The following PCNX2 variants were observed in gnomAD, a reference collection of about 807,000 sequenced individuals.
PCNX2 encodes pecanex-like protein 2.
PCNX2 carries 168 observed loss-of-function variants against 223.8 expected under a neutral mutation model. That is an observed-to-expected ratio of 0.75 (90% confidence interval 0.66 to 0.85). The LOEUF is 0.85. Ranked by LOEUF, PCNX2 falls within the 40% of genes least tolerant of loss-of-function variation. The pLI is 0.00. For synonymous variants in PCNX2, 1,006 were observed against 1,052.6 expected, an observed-to-expected ratio of 0.96 and a Z score of 0.86; for missense variants, 2,507 against 2,675.5, an observed-to-expected ratio of 0.94 and a Z score of 1.39.
At chr1:233,095,920 C>A (rs1674137097) in intron 21 of PCNX2, 57 bp from the exon 22 acceptor site, 4 of 1,270,024 alleles carry the variant, frequency 3.1e-6, no homozygotes, top group Non-Finnish European at 4.5e-6. Context: ...GTGGTAACTG[C>A]ATCAAGGTCA....
chr1:233,203,048 G>C (rs1383005480), intron 13 of PCNX2, among the ~76,000 whole-genome samples: 1 of 152,122 alleles, frequency 6.6e-6, no homozygotes, highest in Non-Finnish European at 1.5e-5. Context: ...GGCTACAAAA[G>C]AGAATAAAAT....
At chr1:233,016,887 A>G (rs1301784229) in intron 27 of PCNX2, 34 bp downstream of exon 27, 10 of 1,583,632 alleles carry the variant, frequency 6.3e-6, no homozygotes, top group Non-Finnish European at 8.7e-6. Context: ...TTAAACTTAC[A>G]TTCCATGCCT....
intron 28 of PCNX2, among the ~76,000 whole-genome samples, chr1:233,014,216 T>C (rs971154736): frequency 2.6e-5 from 4 of 152,132 alleles, no homozygotes; most frequent in African/African-American, 9.7e-5. Context: ...GGGCATCCAA[T>C]TCATCAAAGC....
Position 233,139,660 on chromosome 1 carries a change from C to G in PCNX2, c.3659+54G>C. On this transcript the variant is annotated intron_variant, in intron 20 of 33. Transcript: ENST00000258229. This position sits in a 1 kb window ranked among gnomAD's most constrained non-coding sequence, Gnocchi z 4.4. ...GCAGATTGTTTACAGAAAATTCACT[C>G]GATTTTGAAAATGTGACCCAAATCA... 1 of 1,521,644 alleles carries G rather than the reference C, an allele frequency of 6.6e-7. No individual in the cohort carries two copies. Among genetic ancestry groups the G allele is most frequent in the East Asian group, 2.4e-5 (1 of 41,330 alleles). The allele number at this position is 1,521,644 out of a possible 1,614,324, so 94.3% of individuals were successfully genotyped here. A position where few individuals can be genotyped will look rare whatever the true frequency, so the allele number is the denominator to read the frequency against.
At chr1:233,120,105 T>G (rs1675683875) in intron 21 of PCNX2, among the ~76,000 whole-genome samples, 1 of 132,010 alleles carries the variant, frequency 7.6e-6, no homozygotes, top group Admixed American at 8.9e-5. Flanking sequence ...AGGCAGAGGT[T>G]GCAGTGAGCC....
intron 23 of PCNX2, chr1:233,065,355 C>T (rs1178415352): frequency 6.6e-6 from 1 of 152,192 alleles, no homozygotes; most frequent in South Asian, 2.1e-4. Context: ...ATACCCTATA[C>T]AGAATACTGG....
chr1:233,096,340 A>T (rs1674163584), intron 21 of PCNX2, among the ~76,000 whole-genome samples: 1 of 152,250 alleles, frequency 6.6e-6, no homozygotes, highest in Non-Finnish European at 1.5e-5. Context: ...AAGACAGGAT[A>T]TGAAGCTATT....
chr1:233,225,486 C>T (rs573840992), intron 10 of PCNX2, among the ~76,000 whole-genome samples: 2 of 152,304 alleles, frequency 1.3e-5, no homozygotes, highest in East Asian at 1.9e-4. Flanking sequence ...ATTCCCCAAC[C>T]AGCTGAAGGA....
rs1355686632 is a variant in PCNX2 at position 232,990,185 on chromosome 1, A to G, written c.5792-3645T>C. Among the ~76,000 whole-genome samples, 1 of 152,214 alleles carries G rather than the reference A, an allele frequency of 6.6e-6. No homozygotes were observed. The highest frequency in any genetic ancestry group is 1.5e-5 in the Non-Finnish European group (1 of 68,034). ...TGAAGGGAATGATGGCCTGCTGGGA[A>G]TGGCAGGTAGGTGGTTTCCGCAAAG... On this transcript the variant is annotated intron_variant, in intron 32 of 33. Coordinates refer to ENST00000258229, the MANE Select transcript of PCNX2 (RefSeq NM_014801.4). This position sits in a 1 kb window ranked among gnomAD's most constrained non-coding sequence, Gnocchi z 4.3.
intron 25 of PCNX2, among the ~76,000 whole-genome samples, chr1:233,030,241 T>G (rs906909247): frequency 6.6e-6 from 1 of 152,194 alleles, no homozygotes; most frequent in Admixed American, 6.5e-5. Flanking sequence ...TCAGACATTG[T>G]ATTTTTTTCA....
intron 12 of PCNX2, among the ~76,000 whole-genome samples, chr1:233,215,404 G>T (rs1057143839): frequency 6.6e-6 from 1 of 152,188 alleles, no homozygotes; most frequent in Non-Finnish European, 1.5e-5. Context: ...TTACAAAAGT[G>T]ATTTCATACT....
At chr1:233,177,765 C>A in intron 17 of PCNX2, 37 bp downstream of exon 17, 1 of 1,540,448 alleles carries the variant, frequency 6.5e-7, no homozygotes, top group South Asian at 1.1e-5. Context: ...AAAGATGAGG[C>A]CCTCCTATGC....
chr1:232,999,541 C>T (rs772164777), intron 30 of PCNX2, 162 bp from the exon 31 acceptor site: 13 of 755,554 alleles, frequency 1.7e-5, no homozygotes, highest in Admixed American at 3.3e-5. Flanking sequence ...GCAACCTCCG[C>T]CTCCCGGATT....
chr1:233,015,401 A>T (rs72762007), intron 27 of PCNX2, among the ~76,000 whole-genome samples: 9,803 of 152,256 alleles, frequency 0.064, 454 homozygotes, highest in Non-Finnish European at 0.099. Context: ...AAATTTTTTT[A>T]AAAAATTAGC....
chr1:233,284,584 C>G (rs995549039), intron 1 of PCNX2, among the ~76,000 whole-genome samples: 1 of 152,098 alleles, frequency 6.6e-6, no homozygotes, highest in Non-Finnish European at 1.5e-5. Context: ...GTTATTCATG[C>G]CTGTTTATCT....
intron 23 of PCNX2, 66 bp downstream of exon 23, chr1:233,089,995 A>G: frequency 6.2e-7 from 1 of 1,604,848 alleles, no homozygotes; most frequent in Admixed American, 1.7e-5. Context: ...TAACAGAGGA[A>G]GGCAGAGGAG....
intron 18 of PCNX2, 59 bp from the exon 19 acceptor site, chr1:233,160,492 C>G: frequency 1.3e-6 from 2 of 1,534,112 alleles, no homozygotes; most frequent in South Asian, 2.3e-5. Context: ...AGAGGGATGC[C>G]CATGAATAAT....
At chr1:233,128,378 A>G (rs552537033) in intron 21 of PCNX2, among the ~76,000 whole-genome samples, 1 of 151,936 alleles carries the variant, frequency 6.6e-6, no homozygotes, top group African/African-American at 2.4e-5. Context: ...TCTGTCGCCC[A>G]GGCTGGAGTG....
In PCNX2 at chr1:233,161,328, T is replaced by C. The variant is rs1335174829; in HGVS notation, c.3309A>G (p.Ala1103=). 1.2e-6 allele frequency: 2 copies of C among 1,613,854 alleles called. No homozygotes were observed. The highest frequency in any genetic ancestry group is 2.2e-5 in the East Asian group (1 of 44,872). ...DVLKWDLIVC[A]VVAVLSFAVS... Reference sequence around the variant, plus strand: ...CTGCAAATGAGAGGACAGCAACCACTGCGCAGACGATGAGATCCCATTTTA... The same window carrying C: ...CTGCAAATGAGAGGACAGCAACCACCGCGCAGACGATGAGATCCCATTTTA... The change falls in exon 18 of 34, where the codon GCA becomes GCG. Residue 1103 remains alanine (A), a synonymous_variant. Transcript: ENST00000258229.
Sources: gnomAD v4.1 joint callset for allele counts (sites outside exome capture counted in the v4.1 genomes callset) on GRCh38, gnomAD v4.1.1 for gene constraint, Gnocchi (gnomAD v3.1) non-coding constraint, MANE v1.5 for transcripts, NCBI Gene and HGNC (gene_info 2026-07-23, HGNC 2026-07-21) for gene names.